HPSE2: variants seen among roughly 807,000 people sequenced by gnomAD.
HPSE2 encodes inactive heparanase-2.
In HPSE2, 38 loss-of-function variants were observed where a neutral mutation model predicts 60.5. That is an observed-to-expected ratio of 0.63 (90% CI 0.48 to 0.82). The LOEUF (loss-of-function observed/expected upper bound fraction) is 0.82. HPSE2 is among the 40% of genes least tolerant of loss of function. The pLI is 0.00. For missense variants in HPSE2, 713 were observed against 740.4 expected (o/e 0.96, Z 0.43); for synonymous variants, 295 against 293.2 (o/e 1.01, Z -0.06).
chr10:98,507,690 T>C (rs1942248521), intron 9 of HPSE2, among the ~76,000 whole-genome samples: 1 of 152,152 alleles, frequency 6.6e-6, no homozygotes, highest in Non-Finnish European at 1.5e-5. Context: ...ATCATGTCCT[T>C]ATGTAATCCA....
At chr10:99,103,283 A>G (rs1312923275) in intron 3 of HPSE2, among the ~76,000 whole-genome samples, 7 of 152,240 alleles carry the variant, frequency 4.6e-5, no homozygotes, top group African/African-American at 7.2e-5. Context: ...ACTTCAGCAA[A>G]GTCTCAGGAT....
chr10:98,938,852 A>T (rs1954896081), intron 3 of HPSE2, among the ~76,000 whole-genome samples: 1 of 144,316 alleles, frequency 6.9e-6, no homozygotes, highest in Non-Finnish European at 1.5e-5. Context: ...CAGGTTACCC[A>T]CAAAGGGAAG....
At chr10:99,129,559 G>A (rs148920776) in intron 3 of HPSE2, among the ~76,000 whole-genome samples, 1,601 of 151,952 alleles carry the variant, frequency 0.011, 11 homozygotes, top group Middle Eastern at 0.017. Flanking sequence ...AAATCAAGAC[G>A]GAAATTTTTT....
At chr10:99,197,995 C>T (rs1307465779) in intron 2 of HPSE2, among the ~76,000 whole-genome samples, 1 of 151,590 alleles carries the variant, frequency 6.6e-6, no homozygotes, top group Non-Finnish European at 1.5e-5. Flanking sequence ...TGCTTGAACC[C>T]AGGAAGCACA....
At chr10:98,637,812 G>A (rs2134025977) in intron 7 of HPSE2, among the ~76,000 whole-genome samples, 1 of 152,198 alleles carries the variant, frequency 6.6e-6, no homozygotes, top group East Asian at 1.9e-4. Flanking sequence ...TTCTAGCTTT[G>A]GGGTGAAGGT....
At chr10:99,053,717 GTC>G (rs1958042731) in intron 3 of HPSE2, among the ~76,000 whole-genome samples, 1 of 98,464 alleles carries the variant, frequency 1.0e-5, no homozygotes, top group Non-Finnish European at 2.1e-5. Context: ...GAGAGTTACA[GTC>G]TTTTTTTTTT....
At chr10:98,685,779 G>A (rs1195929788) in intron 6 of HPSE2, among the ~76,000 whole-genome samples, 2 of 152,126 alleles carry the variant, frequency 1.3e-5, no homozygotes, top group African/African-American at 2.4e-5. Flanking sequence ...AAGTGGAACT[G>A]CTTTGTCATA....
At chr10:98,946,841 CAA>C (rs913013162) in intron 3 of HPSE2, among the ~76,000 whole-genome samples, 1 of 152,002 alleles carries the variant, frequency 6.6e-6, no homozygotes, top group African/African-American at 2.4e-5. Flanking sequence ...GTGGTGAGCT[CAA>C]GAGTTGTATT....
chr10:98,733,650 T>C (rs868731863), intron 4 of HPSE2, among the ~76,000 whole-genome samples: 1 of 152,136 alleles, frequency 6.6e-6, no homozygotes, highest in Admixed American at 6.5e-5. Flanking sequence ...TTATTTAGTA[T>C]TTTGAGGTCC....
chr10:98,823,761 A>G (rs1404949798), intron 3 of HPSE2, among the ~76,000 whole-genome samples: 1 of 152,356 alleles, frequency 6.6e-6, no homozygotes, highest in East Asian at 1.9e-4. Context: ...CAGCATACAT[A>G]AACAAGTACA....
At chr10:98,538,278 C>A (rs551565253) in intron 9 of HPSE2, among the ~76,000 whole-genome samples, 3 of 152,124 alleles carry the variant, frequency 2.0e-5, no homozygotes, top group Non-Finnish European at 4.4e-5. Flanking sequence ...GGGAGAACAC[C>A]CGCTAAGCCC....
At chr10:98,515,584 T>C (rs1050427523) in intron 9 of HPSE2, among the ~76,000 whole-genome samples, 8 of 152,174 alleles carry the variant, frequency 5.3e-5, no homozygotes, top group Non-Finnish European at 8.8e-5. Flanking sequence ...ATAAAACATG[T>C]CTCTGTGCAG....
At chr10:98,708,926 C>T (rs12264130) in intron 5 of HPSE2, among the ~76,000 whole-genome samples, 21,223 of 152,062 alleles carry the variant, frequency 0.14, 3,350 homozygotes, top group African/African-American at 0.39. Flanking sequence ...TTCCAAAGAA[C>T]AGCTATTACA....
At chr10:98,480,254 G>A (rs79236728) in intron 11 of HPSE2, among the ~76,000 whole-genome samples, 33,155 of 151,828 alleles carry the variant, frequency 0.22, 4,081 homozygotes, top group Non-Finnish European at 0.29. Flanking sequence ...GCTAATTTTT[G>A]TATTTTTTTT....
chr10:98,741,945 G>T (rs1458340281), intron 4 of HPSE2, among the ~76,000 whole-genome samples: 2 of 152,124 alleles, frequency 1.3e-5, no homozygotes, highest in Non-Finnish European at 2.9e-5. Context: ...GTAAGGTTAG[G>T]TGAGTGGTCA....
chr10:99,189,111 A>G (rs1848132232), intron 2 of HPSE2, among the ~76,000 whole-genome samples: 2 of 152,356 alleles, frequency 1.3e-5, no homozygotes, highest in South Asian at 4.1e-4. Flanking sequence ...TTCTAAGAAG[A>G]CAGAGAACTC....
chr10:98,614,298 T>TG (rs1164215177), intron 9 of HPSE2, among the ~76,000 whole-genome samples: 1 of 150,086 alleles, frequency 6.7e-6, no homozygotes, highest in African/African-American at 2.5e-5. Context: ...ATTGTTTTGT[T>TG]TTTTTTTTTT....
intron 9 of HPSE2, among the ~76,000 whole-genome samples, chr10:98,556,838 C>CA (rs141022048): frequency 0.027 from 4,034 of 152,206 alleles, 192 homozygotes; most frequent in African/African-American, 0.091. Context: ...TGCCAAAAGC[C>CA]AAAAATATCA....
chr10:98,489,113 C>T (rs147280333), intron 10 of HPSE2, among the ~76,000 whole-genome samples: 3 of 152,310 alleles, frequency 2.0e-5, no homozygotes, highest in Admixed American at 2.0e-4. Context: ...ACTTGCTTAC[C>T]ATTCCCTGCC....
Sources: gnomAD v4.1 joint callset for allele counts (sites outside exome capture counted in the v4.1 genomes callset) on GRCh38, gnomAD v4.1.1 for gene constraint, MANE v1.5 for transcripts, NCBI Gene and HGNC (gene_info 2026-07-23, HGNC 2026-07-21) for gene names.